CALU: variants seen among roughly 807,000 people sequenced by gnomAD.
CALU encodes calumenin, also known as IEF SSP 9302.
CALU carries 13 observed loss-of-function variants against 37.5 expected under a neutral mutation model. The ratio of observed to expected loss-of-function variants is 0.35; its 90% CI spans 0.23 to 0.55. The LOEUF (loss-of-function observed/expected upper bound fraction) is 0.55. CALU is among the 20% of genes least tolerant of loss of function. The pLI, the probability that CALU is intolerant of heterozygous loss-of-function variation, is 0.89. For missense variants in CALU, 282 were observed against 391.7 expected, an observed-to-expected ratio of 0.72 and a Z score of 2.36; for synonymous variants, 114 against 133.8, an observed-to-expected ratio of 0.85 and a Z score of 1.02.
chr7:128,759,933 C>G (rs906069744), intron 5 of CALU, 81 bp downstream of exon 5: 8 of 813,376 alleles, frequency 9.8e-6, no homozygotes, highest in Non-Finnish European at 1.7e-5. Context: ...CACAGTGGCT[C>G]ATGCCTGTAA....
chr7:128,762,604 G>A (rs1801164733), intron 5 of CALU, among the ~76,000 whole-genome samples: 1 of 151,050 alleles, frequency 6.6e-6, no homozygotes, highest in South Asian at 2.1e-4. Context: ...AAGTTGTGCT[G>A]ATAATTATTT....
At chr7:128,748,497 G>C (rs1800532171) in intron 1 of CALU, 76 bp from the exon 2 acceptor site, 5 of 1,258,344 alleles carry the variant, frequency 4.0e-6, no homozygotes, top group Non-Finnish European at 5.6e-6. Flanking sequence ...GTTTAACTCG[G>C]ATGTGAGCTT....
intron 6 of CALU, among the ~76,000 whole-genome samples, chr7:128,768,847 C>CAAAAAAAAAAAAAAAAA (rs1012831963): frequency 0.024 from 1,310 of 55,010 alleles, 191 homozygotes; most frequent in Middle Eastern, 0.034. Context: ...AACTCCGTCT[C>CAAAAAAAAAAAAAAAAA]AAAAAAAAAA....
At chr7:128,752,087 A>T (rs370699882) in intron 2 of CALU, among the ~76,000 whole-genome samples, 25 of 152,272 alleles carry the variant, frequency 1.6e-4, no homozygotes, top group African/African-American at 5.1e-4. Flanking sequence ...AACTGCCTGC[A>T]GGCTTGGTGC....
At chr7:128,764,524 A>G (rs1475446036) in intron 5 of CALU, among the ~76,000 whole-genome samples, 2 of 152,208 alleles carry the variant, frequency 1.3e-5, no homozygotes, top group Admixed American at 6.5e-5. Context: ...TACCATAGCA[A>G]CTTCTTACCT....
rs1017010080 is a variant in CALU at position 128,773,071 on chromosome 7, T to C, written c.*3904T>C. 6.6e-6 allele frequency among the ~76,000 whole-genome samples: 1 copy of C among 152,196 alleles called. No individual in the cohort carries two copies. Among genetic ancestry groups the C allele is most frequent in the African/African-American group, 2.4e-5 (1 of 41,436 alleles). On this transcript the variant is annotated 3_prime_UTR_variant, in exon 7 of 7. Coordinates refer to ENST00000249364, the MANE Select transcript of CALU (RefSeq NM_001219.5). ...CATCTGAAAGTAGGGTTTTTGCCAC[T>C]TAGGGTTTGGTGTTTATTAGCTCGG...
At chr7:128,761,530 A>G (rs1406606677) in intron 5 of CALU, 2 of 152,238 alleles carry the variant, frequency 1.3e-5, no homozygotes, top group South Asian at 2.1e-4. Context: ...TGTGCTGATT[A>G]GTAGTGAGGT....
At chr7:128,760,493 T>G (rs997523665) in intron 5 of CALU, among the ~76,000 whole-genome samples, 1 of 76,592 alleles carries the variant, frequency 1.3e-5, no homozygotes, top group African/African-American at 3.3e-5. Flanking sequence ...TTATTGAGGG[T>G]TTTTTTTTAA....
At chr7:128,760,551 G>A (rs1183912104) in intron 5 of CALU, among the ~76,000 whole-genome samples, 5 of 151,932 alleles carry the variant, frequency 3.3e-5, no homozygotes, top group African/African-American at 1.2e-4. Context: ...ATAAGCACCT[G>A]TGGCTACCAT....
chr7:128,755,012 TA>T (rs1055660293), intron 3 of CALU, among the ~76,000 whole-genome samples: 2 of 151,890 alleles, frequency 1.3e-5, no homozygotes, highest in African/African-American at 4.8e-5. Context: ...AGATTTCATT[TA>T]AAAGAATACA....
chr7:128,739,720 C>T (rs1047347586), intron 1 of CALU, among the ~76,000 whole-genome samples: 4 of 152,214 alleles, frequency 2.6e-5, no homozygotes, highest in African/African-American at 4.8e-5. Context: ...GCGTCCTGGT[C>T]CTCCATCTCT....
rs1365530616 is a variant in CALU at position 128,772,379 on chromosome 7, G to A, written c.*3212G>A. Reference sequence around the variant, plus strand: ...GAAACAGTAGCTTTGTAGGCAAGAAGGCAATAGTAAGAAAATGAAAAATTG... The same window carrying A: ...GAAACAGTAGCTTTGTAGGCAAGAAAGCAATAGTAAGAAAATGAAAAATTG... On this transcript the variant is annotated 3_prime_UTR_variant, in exon 7 of 7. Transcript: ENST00000249364. 2 of 786,360 alleles carry A rather than the reference G, an allele frequency of 2.5e-6. No homozygotes were observed. Among genetic ancestry groups the A allele is most frequent in the Non-Finnish European group, 2.1e-6 (1 of 478,650 alleles). 48.7% of individuals were successfully genotyped at this position (786,360 alleles called of 1,614,324 possible). A position where few individuals can be genotyped will look rare whatever the true frequency, so the allele number is the denominator to read the frequency against.
intron 2 of CALU, among the ~76,000 whole-genome samples, chr7:128,750,493 A>T (rs553765401): frequency 6.6e-6 from 1 of 152,338 alleles, no homozygotes; most frequent in South Asian, 2.1e-4. Flanking sequence ...AGTGGATATT[A>T]AAAGTTTGTC....
intron 1 of CALU, among the ~76,000 whole-genome samples, chr7:128,744,226 A>C (rs925195368): frequency 5.3e-5 from 8 of 152,168 alleles, no homozygotes; most frequent in African/African-American, 1.2e-4. Context: ...AACGAAGTGC[A>C]CTAAAGTAGA....
chr7:128,764,965 A>T (rs1053521397), intron 5 of CALU, among the ~76,000 whole-genome samples: 2 of 152,150 alleles, frequency 1.3e-5, no homozygotes, highest in Non-Finnish European at 2.9e-5. Flanking sequence ...TCTGTTGCCC[A>T]TGTTGGTGTG....
At chr7:128,762,378 T>C (rs1281137251) in intron 5 of CALU, among the ~76,000 whole-genome samples, 1 of 151,828 alleles carries the variant, frequency 6.6e-6, no homozygotes, top group African/African-American at 2.4e-5. Context: ...CTTTTTTTTT[T>C]TTTTTTTACA....
intron 2 of CALU, among the ~76,000 whole-genome samples, chr7:128,753,570 C>A (rs1800756868): frequency 6.6e-6 from 1 of 152,204 alleles, no homozygotes; most frequent in African/African-American, 2.4e-5. Flanking sequence ...TACATTCTTA[C>A]CACATCATTT....
intron 1 of CALU, among the ~76,000 whole-genome samples, chr7:128,746,105 A>C (rs969809959): frequency 6.7e-6 from 1 of 150,298 alleles, no homozygotes; most frequent in Non-Finnish European, 1.5e-5. Flanking sequence ...TGTTCACTTG[A>C]CATATCTTGG....
chr7:128,740,772 T>A (rs1416417035), intron 1 of CALU, among the ~76,000 whole-genome samples: 1 of 152,184 alleles, frequency 6.6e-6, no homozygotes, highest in African/African-American at 2.4e-5. Context: ...TGAAACCAAC[T>A]CATTGTCACT....
Sources: allele counts gnomAD v4.1 joint callset (sites outside exome capture counted in the v4.1 genomes callset), GRCh38; gene constraint gnomAD v4.1.1; transcripts MANE v1.5; gene names NCBI Gene and HGNC (gene_info 2026-07-23, HGNC 2026-07-21).